RPS6KC1: variants seen among roughly 807,000 people sequenced by gnomAD.
RPS6KC1 encodes inactive ribosomal protein S6 kinase delta-1.
In RPS6KC1, 54 loss-of-function variants were observed where a neutral mutation model predicts 103.8. That is an observed-to-expected ratio of 0.52 (90% CI 0.42 to 0.65). The LOEUF is 0.65. Ranked by LOEUF, RPS6KC1 falls within the 30% of genes least tolerant of loss-of-function variation. The probability of loss-of-function intolerance (pLI) is 0.00; values close to 1 mark genes in which losing one functional copy is unlikely to be tolerated. For synonymous variants in RPS6KC1, 439 were observed against 438.7 expected (o/e 1.00, Z -0.01); for missense variants, 1,151 against 1,253.8 (o/e 0.92, Z 1.24).
chr1:213,326,837 C>G, the RPS6KC1 span, among the ~76,000 whole-genome samples: 1 of 152,318 alleles, frequency 6.6e-6, no homozygotes, highest in African/African-American at 2.4e-5. Flanking sequence ...AGTTTGGCCT[C>G]ACAGATTCAG....
chr1:213,398,574 T>G, the RPS6KC1 span, among the ~76,000 whole-genome samples: 1 of 152,172 alleles, frequency 6.6e-6, no homozygotes, highest in Non-Finnish European at 1.5e-5. Flanking sequence ...ATGTTTGCCA[T>G]GCTGGACTCA....
At chr1:213,353,708 C>G in the RPS6KC1 span, among the ~76,000 whole-genome samples, 4 of 152,150 alleles carry the variant, frequency 2.6e-5, no homozygotes, top group African/African-American at 9.7e-5. Context: ...GGGCTGAGCT[C>G]TTATTATGAG....
the RPS6KC1 span, among the ~76,000 whole-genome samples, chr1:213,480,469 A>G: frequency 6.6e-6 from 1 of 151,700 alleles, no homozygotes; most frequent in Admixed American, 6.5e-5. Context: ...TGTGCTTATC[A>G]TACACCTAGC....
chr1:213,167,236 G>A (rs903646398), intron 6 of RPS6KC1, among the ~76,000 whole-genome samples: 2 of 152,108 alleles, frequency 1.3e-5, no homozygotes, highest in Middle Eastern at 3.2e-3. Context: ...ATGAGGGGAA[G>A]GGGTAGAAGA....
chr1:213,060,529 A>G (rs1407906173), intron 1 of RPS6KC1, among the ~76,000 whole-genome samples: 1 of 152,204 alleles, frequency 6.6e-6, no homozygotes, highest in Non-Finnish European at 1.5e-5. Context: ...AACTTGTAAT[A>G]TTGTTTAGTA....
At chr1:213,313,902 G>A in the RPS6KC1 span, among the ~76,000 whole-genome samples, 3 of 152,238 alleles carry the variant, frequency 2.0e-5, no homozygotes, top group East Asian at 3.9e-4. Context: ...GCAGTGAGCC[G>A]AGATGGCGCC....
chr1:213,773,938 A>G, the RPS6KC1 span, among the ~76,000 whole-genome samples: 1 of 152,342 alleles, frequency 6.6e-6, no homozygotes, highest in South Asian at 2.1e-4. Context: ...CCATCACAGC[A>G]ACTTTTCACA....
rs778486233 is a variant in RPS6KC1 at position 213,261,686 on chromosome 1, T to A, written c.2994+46T>A. The A allele has an allele frequency of 2.7e-6, 4 of 1,501,576 alleles. No homozygotes were observed. The South Asian group carries it at 3.4e-5, about 13-fold the overall frequency. The allele number at this position is 1,501,576 out of a possible 1,614,324, so 93.0% of individuals were successfully genotyped here. On this transcript the variant is annotated intron_variant, in intron 13 of 14. Coordinates refer to ENST00000366960, the MANE Select transcript of RPS6KC1 (RefSeq NM_012424.6). ...TTAATAAATTTACTCAGATGCTACC[T>A]TGATTTCAAATTAAGAACATTAGCC...
the RPS6KC1 span, among the ~76,000 whole-genome samples, chr1:213,320,197 TCAA>T: frequency 6.6e-6 from 1 of 152,208 alleles, no homozygotes; most frequent in Non-Finnish European, 1.5e-5. Flanking sequence ...TGCCCACAAC[TCAA>T]TGCCTTTCCT....
At chr1:213,733,239 GT>G in the RPS6KC1 span, among the ~76,000 whole-genome samples, 2 of 147,054 alleles carry the variant, frequency 1.4e-5, no homozygotes, top group Non-Finnish European at 1.5e-5. Context: ...TTTGGGTTTT[GT>G]TTTTTTTTTT....
the RPS6KC1 span, among the ~76,000 whole-genome samples, chr1:213,583,471 C>A: frequency 6.6e-6 from 1 of 152,032 alleles, no homozygotes; most frequent in Admixed American, 6.6e-5. Context: ...CCATGGACAC[C>A]ATATAGATTT....
Position 213,055,300 on chromosome 1 carries a change from A to G in RPS6KC1, c.105+3791A>G, listed in dbSNP as rs115191245. Among the ~76,000 whole-genome samples, 420 of 151,772 alleles carry G rather than the reference A, an allele frequency of 2.8e-3. 4 individuals are homozygous for G. Among genetic ancestry groups the G allele is most frequent in the African/African-American group, 9.7e-3 (401 of 41,380 alleles). ...TGGGTTGTATTTTCTAGAATTTTGTATACAAGGAATCATATAGTATGCACT... is the reference window on the plus strand; with the variant it reads ...TGGGTTGTATTTTCTAGAATTTTGTGTACAAGGAATCATATAGTATGCACT... On this transcript the variant is annotated intron_variant, in intron 1 of 14. Transcript: ENST00000366960.
chr1:213,056,979 A>G (rs2077381381), intron 1 of RPS6KC1, among the ~76,000 whole-genome samples: 1 of 151,200 alleles, frequency 6.6e-6, no homozygotes, highest in African/African-American at 2.4e-5. Context: ...TCACTCTGTC[A>G]CCCAGGCTGG....
intron 7 of RPS6KC1, among the ~76,000 whole-genome samples, chr1:213,168,987 C>G (rs1405121184): frequency 6.6e-6 from 1 of 152,200 alleles, no homozygotes; most frequent in East Asian, 1.9e-4. Flanking sequence ...AATCCCACTT[C>G]TGCATGTCAG....
the RPS6KC1 span, among the ~76,000 whole-genome samples, chr1:213,789,719 C>T: frequency 0.15 from 22,511 of 152,118 alleles, 2,171 homozygotes; most frequent in South Asian, 0.24. Context: ...TGTTAAGTCA[C>T]ACATCTACTA....
the RPS6KC1 span, among the ~76,000 whole-genome samples, chr1:213,633,735 TA>T: frequency 6.6e-6 from 1 of 151,598 alleles, no homozygotes; most frequent in South Asian, 2.1e-4. Flanking sequence ...ATGGCCCAAT[TA>T]AAAGACACAT....
chr1:213,255,616 C>T (rs1475213811), intron 12 of RPS6KC1, among the ~76,000 whole-genome samples: 1 of 152,112 alleles, frequency 6.6e-6, no homozygotes, highest in East Asian at 1.9e-4. Context: ...GCCACACAAC[C>T]TCAGGCTTCT....
chr1:213,817,038 A>G, the RPS6KC1 span, among the ~76,000 whole-genome samples: 2 of 152,204 alleles, frequency 1.3e-5, no homozygotes, highest in East Asian at 1.9e-4. Flanking sequence ...CCCTGAAATG[A>G]TACCATAGCC....
At chr1:213,812,758 A>G in the RPS6KC1 span, among the ~76,000 whole-genome samples, 13 of 152,168 alleles carry the variant, frequency 8.5e-5, no homozygotes, top group African/African-American at 2.4e-4. Flanking sequence ...ACTGGCTTCT[A>G]TGAAAGACCT....
Sources: allele counts gnomAD v4.1 joint callset (sites outside exome capture counted in the v4.1 genomes callset), GRCh38; gene constraint gnomAD v4.1.1; transcripts MANE v1.5; gene names NCBI Gene and HGNC (gene_info 2026-07-23, HGNC 2026-07-21).